ZNF143: variants seen among roughly 807,000 people sequenced by gnomAD.
The protein encoded by ZNF143 is SPH-binding factor.
A neutral mutation model predicts 74.1 loss-of-function variants in ZNF143; 49 were observed. The ratio of observed to expected loss-of-function variants is 0.66; its 90% CI spans 0.53 to 0.84. ZNF143 has a LOEUF of 0.84. Ranked by LOEUF, ZNF143 falls within the 40% of genes least tolerant of loss-of-function variation. ZNF143 has a pLI of 0.00. For missense variants in ZNF143, 637 were observed against 793.4 expected (o/e 0.80, Z 2.37); for synonymous variants, 304 against 282.8 (o/e 1.07, Z -0.75).
At chr11:9,484,799 G>GTTT (rs1316309780) in intron 7 of ZNF143, among the ~76,000 whole-genome samples, 1 of 24,244 alleles carries the variant, frequency 4.1e-5, no homozygotes. Flanking sequence ...CCTGGCCAAA[G>GTTT]ATTTTTTTTT....
At chr11:9,505,625 A>G (rs560959683) in intron 11 of ZNF143, among the ~76,000 whole-genome samples, 2 of 152,176 alleles carry the variant, frequency 1.3e-5, no homozygotes, top group East Asian at 3.9e-4. Flanking sequence ...TCACACCTGT[A>G]ATCCCAGCAC....
intron 3 of ZNF143, chr11:9,473,723 T>C: frequency 6.8e-7 from 1 of 1,466,436 alleles, no homozygotes. Flanking sequence ...CTCATCTAAT[T>C]GAAAATTGCA....
chr11:9,509,402 A>G lies in ZNF143; in HGVS notation c.1375+556A>G, dbSNP rs1901920. Among the ~76,000 whole-genome samples the G allele has an allele frequency of 7.4e-3, 1,127 of 152,354 alleles. 14 individuals are homozygous for G. The highest frequency in any genetic ancestry group is 0.026 in the African/African-American group (1,069 of 41,582). On this transcript the variant is annotated intron_variant, in intron 12 of 15. Coordinates refer to ENST00000396602, the MANE Select transcript of ZNF143 (RefSeq NM_003442.6). The stretch of plus-strand genomic sequence containing the variant: ...TGATTCAGGTGCTATTAAGTATGTT[A>G]TTGTAAGAGACAAAATTATTTGTTT...
At chr11:9,508,557 A>T in intron 11 of ZNF143, 62 bp from the exon 12 acceptor site, 1 of 1,490,904 alleles carries the variant, frequency 6.7e-7, no homozygotes. Flanking sequence ...CTGGGGGGGA[A>T]GTATGGAATG....
chr11:9,481,892 A>G (rs999530831), intron 7 of ZNF143, among the ~76,000 whole-genome samples: 2 of 151,634 alleles, frequency 1.3e-5, no homozygotes, highest in African/African-American at 4.8e-5. Context: ...TCTCAAAAAA[A>G]AAAAAAAAAA....
chr11:9,502,301 A>G (rs1193816245), intron 11 of ZNF143, among the ~76,000 whole-genome samples: 2 of 120,338 alleles, frequency 1.7e-5, no homozygotes, highest in Non-Finnish European at 3.2e-5. Context: ...TTCACATACT[A>G]TACAATTCAT....
At chr11:9,477,036 A>G (rs1017124170) in intron 5 of ZNF143, among the ~76,000 whole-genome samples, 6 of 151,676 alleles carry the variant, frequency 4.0e-5, no homozygotes, top group African/African-American at 9.7e-5. Context: ...AAAGGGAGGA[A>G]TCTTTAAAAA....
At chr11:9,501,327 CT>C in intron 11 of ZNF143, 57 bp downstream of exon 11, 1 of 1,573,426 alleles carries the variant, frequency 6.4e-7, no homozygotes, top group Non-Finnish European at 8.6e-7. Flanking sequence ...TAACTCCTGC[CT>C]TTTCCAGAAA....
chr11:9,500,508 A>T (rs1848121587), intron 10 of ZNF143, among the ~76,000 whole-genome samples: 1 of 151,712 alleles, frequency 6.6e-6, no homozygotes, highest in African/African-American at 2.4e-5. Context: ...ATCTCGGCTC[A>T]CTGCAACCTC....
intron 14 of ZNF143, among the ~76,000 whole-genome samples, chr11:9,517,545 G>T (rs1386112572): frequency 2.0e-5 from 3 of 151,842 alleles, no homozygotes; most frequent in Non-Finnish European, 2.9e-5. Context: ...TTACCTGCAG[G>T]GTTTGATAGT....
At chr11:9,486,396 A>ATAATTATATAT (rs1245802133) in intron 7 of ZNF143, among the ~76,000 whole-genome samples, 2 of 11,922 alleles carry the variant, frequency 1.7e-4, no homozygotes, top group Non-Finnish European at 3.6e-4. Context: ...TAATATATAT[A>ATAATTATATAT]ATATATTATA....
chr11:9,464,323 A>G (rs751147353), intron 1 of ZNF143, among the ~76,000 whole-genome samples: 2 of 152,160 alleles, frequency 1.3e-5, no homozygotes, highest in Non-Finnish European at 2.9e-5. Flanking sequence ...TTTGTAGGCC[A>G]GGCGTGGTGG....
chr11:9,527,470 G>T lies in ZNF143; in HGVS notation c.1834-60G>T, dbSNP rs563192776. 195 of 1,507,854 alleles carry T rather than the reference G, an allele frequency of 1.3e-4. 2 individuals are homozygous for T. The Middle Eastern group carries it at 1.5e-3, about 12-fold the overall frequency. The allele number at this position is 1,507,854 out of a possible 1,614,324, so 93.4% of individuals were successfully genotyped here. A position where few individuals can be genotyped will look rare whatever the true frequency, so the allele number is the denominator to read the frequency against. The stretch of plus-strand genomic sequence containing the variant: ...ACTTCTGGCATATAACATTTCTTTG[G>T]CATTTTCTTGACTGTGGCTTTTGAA... On this transcript the variant is annotated intron_variant, in intron 15 of 15. Transcript: ENST00000396602.
intron 15 of ZNF143, among the ~76,000 whole-genome samples, chr11:9,526,535 G>T (rs76984235): frequency 0.05 from 7,653 of 151,930 alleles, 264 homozygotes; most frequent in South Asian, 0.075. Context: ...GGCTCAAGAA[G>T]CTCTCTTTTG....
chr11:9,465,657 G>A (rs1321941887), intron 1 of ZNF143, among the ~76,000 whole-genome samples: 4 of 148,126 alleles, frequency 2.7e-5, no homozygotes, highest in East Asian at 2.0e-4. Context: ...CCGCCACCAC[G>A]CCTGGCTAAT....
intron 3 of ZNF143, chr11:9,473,703 TC>T (rs1856718180): frequency 7.6e-7 from 1 of 1,314,528 alleles, no homozygotes; most frequent in Admixed American, 2.1e-5. Flanking sequence ...GAGCCACTCT[TC>T]CTCTTGACCT....
chr11:9,484,387 T>C lies in ZNF143; in HGVS notation c.645+4841T>C, dbSNP rs554716182. On this transcript the variant is annotated intron_variant, in intron 7 of 15. Coordinates refer to ENST00000396602, the MANE Select transcript of ZNF143 (RefSeq NM_003442.6). ...TTTTTATATTTTTGTTAAAGAAATA[T>C]TTAAAAAAATGTTTTTTATATTTCA... is the stretch of plus-strand genomic sequence containing the variant. 1.8e-4 allele frequency among the ~76,000 whole-genome samples: 27 copies of C among 151,076 alleles called. No homozygotes were observed. The South Asian group carries it at 5.4e-3, about 30-fold the overall frequency.
At chr11:9,491,354 C>T (rs921043085) in intron 7 of ZNF143, among the ~76,000 whole-genome samples, 22 of 151,286 alleles carry the variant, frequency 1.5e-4, no homozygotes, top group African/African-American at 4.4e-4. Context: ...AGACAGGTGT[C>T]GGCTGGGCGC....
At chr11:9,481,490 G>A (rs1032512237) in intron 7 of ZNF143, among the ~76,000 whole-genome samples, 12 of 152,050 alleles carry the variant, frequency 7.9e-5, no homozygotes, top group South Asian at 2.1e-4. Flanking sequence ...AAATATGTGC[G>A]GGAGTTATAG....
Sources: allele counts gnomAD v4.1 joint callset (sites outside exome capture counted in the v4.1 genomes callset), GRCh38; gene constraint gnomAD v4.1.1; transcripts MANE v1.5; gene names NCBI Gene and HGNC (gene_info 2026-07-23, HGNC 2026-07-21).